The following DPP10 variants were observed in gnomAD, a reference collection of about 807,000 sequenced individuals.
DPP10 encodes dipeptidyl peptidase like 10, also known as inactive dipeptidyl peptidase 10.
DPP10 carries 33 observed loss-of-function variants against 120.9 expected under a neutral mutation model. The ratio of observed to expected loss-of-function variants is 0.27; its 90% CI spans 0.21 to 0.37. DPP10 has a LOEUF of 0.37. Among genes scored for constraint, DPP10 ranks in the 10% least tolerant of loss-of-function variants. The pLI is 1.00. For synonymous variants in DPP10, 337 were observed against 326.1 expected (o/e 1.03, Z -0.36); for missense variants, 816 against 942.8 (o/e 0.87, Z 1.76).
chr2:115,205,585 C>A (rs1485821590), intron 1 of DPP10, among the ~76,000 whole-genome samples: 2 of 152,100 alleles, frequency 1.3e-5, no homozygotes, highest in South Asian at 4.1e-4. Flanking sequence ...TATGTATATT[C>A]ATCACAGCAT....
chr2:114,596,510 TA>T (rs1237097705), intron 1 of DPP10, among the ~76,000 whole-genome samples: 13 of 152,126 alleles, frequency 8.5e-5, no homozygotes, highest in Non-Finnish European at 1.8e-4. Flanking sequence ...AGTGATAAGA[TA>T]AATGCATAGA....
chr2:115,684,374 T>G (rs541892150), intron 5 of DPP10, among the ~76,000 whole-genome samples: 8 of 151,984 alleles, frequency 5.3e-5, no homozygotes, highest in African/African-American at 1.9e-4. Flanking sequence ...TCACTCATCT[T>G]AAAAGGTATC....
In DPP10 at chr2:114,632,600, C is replaced by T. The variant is rs137891898; in HGVS notation, c.60+189762C>T. On this transcript the variant is annotated intron_variant, in intron 1 of 25. Transcript: ENST00000410059. Reference sequence around the variant, plus strand: ...CGATCTCGGCTCACTGCAAGCTCTGCGTCCTGGGTTCATGCCATTCTCCTG... The same window carrying T: ...CGATCTCGGCTCACTGCAAGCTCTGTGTCCTGGGTTCATGCCATTCTCCTG... Among the ~76,000 whole-genome samples the T allele has an allele frequency of 3.5e-3, 498 of 142,460 alleles. 5 individuals are homozygous for T. The highest frequency in any genetic ancestry group is 0.03 in the Admixed American group (407 of 13,532). 93.5% of individuals were successfully genotyped at this position (142,460 alleles called of 152,430 possible).
At chr2:115,618,961 T>A (rs769630680) in intron 5 of DPP10, among the ~76,000 whole-genome samples, 1 of 151,202 alleles carries the variant, frequency 6.6e-6, no homozygotes, top group Non-Finnish European at 1.5e-5. Flanking sequence ...CTCCTCCCTG[T>A]AGTGACTTCC....
chr2:114,488,221 C>T (rs1293293472), intron 1 of DPP10, among the ~76,000 whole-genome samples: 1 of 152,142 alleles, frequency 6.6e-6, no homozygotes, highest in Non-Finnish European at 1.5e-5. Context: ...GTTACTCTGG[C>T]CTAGTGGGGA....
chr2:114,878,579 C>A (rs934837244), intron 1 of DPP10, among the ~76,000 whole-genome samples: 2 of 152,168 alleles, frequency 1.3e-5, no homozygotes, highest in African/African-American at 4.8e-5. Context: ...CTTCATCATC[C>A]TTAGCCCTTC....
chr2:114,494,453 G>A (rs1682322635), intron 1 of DPP10, among the ~76,000 whole-genome samples: 2 of 152,186 alleles, frequency 1.3e-5, no homozygotes. Flanking sequence ...TTTCAGGCCA[G>A]GGAAGCAGCA....
intron 1 of DPP10, among the ~76,000 whole-genome samples, chr2:114,477,859 A>ATATATGTACATATATG (rs1680585722): frequency 2.7e-5 from 2 of 74,586 alleles, no homozygotes; most frequent in East Asian, 5.9e-4. Context: ...GTATAAATAT[A>ATATATGTACATATATG]TGTATATATG....
intron 3 of DPP10, among the ~76,000 whole-genome samples, chr2:115,376,510 G>C (rs2065806776): frequency 1.3e-5 from 2 of 150,758 alleles, no homozygotes; most frequent in African/African-American, 4.9e-5. Context: ...GTGGACACTT[G>C]TTGATTCTAA....
intron 1 of DPP10, among the ~76,000 whole-genome samples, chr2:114,976,386 G>A (rs13422074): frequency 0.033 from 5,069 of 152,090 alleles, 297 homozygotes; most frequent in African/African-American, 0.12. Flanking sequence ...TCTCCATTTC[G>A]TAGTTATTTT....
At chr2:115,003,362 C>T (rs191855628) in intron 1 of DPP10, among the ~76,000 whole-genome samples, 33 of 151,774 alleles carry the variant, frequency 2.2e-4, no homozygotes, top group African/African-American at 6.8e-4. Flanking sequence ...GGCCTACTTG[C>T]GGGTGAAGGC....
chr2:115,185,337 A>G (rs2105178519), intron 1 of DPP10, among the ~76,000 whole-genome samples: 1 of 152,160 alleles, frequency 6.6e-6, no homozygotes, highest in South Asian at 2.1e-4. Flanking sequence ...GAACTGCATC[A>G]TATTCTTGAG....
chr2:114,841,899 G>C (rs981991305), intron 1 of DPP10, among the ~76,000 whole-genome samples: 1 of 152,022 alleles, frequency 6.6e-6, no homozygotes, highest in Non-Finnish European at 1.5e-5. Flanking sequence ...TAAGTTAAAA[G>C]GACCATGGCT....
At chr2:114,931,975 C>T (rs1007118558) in intron 1 of DPP10, among the ~76,000 whole-genome samples, 45 of 152,186 alleles carry the variant, frequency 3.0e-4, no homozygotes, top group Admixed American at 2.7e-3. Context: ...CCTTTCTGTT[C>T]GCTAAATCTG....
At chr2:114,913,080 G>T (rs1333448445) in intron 1 of DPP10, among the ~76,000 whole-genome samples, 1 of 152,154 alleles carries the variant, frequency 6.6e-6, no homozygotes, top group East Asian at 1.9e-4. Context: ...CCCTGGCTGG[G>T]TGTATCTGCT....
At chr2:115,253,618 G>A (rs1373002682) in intron 1 of DPP10, among the ~76,000 whole-genome samples, 3 of 152,176 alleles carry the variant, frequency 2.0e-5, no homozygotes, top group African/African-American at 4.8e-5. Flanking sequence ...GGTCCCATGC[G>A]AGTTTGAAAC....
intron 1 of DPP10, among the ~76,000 whole-genome samples, chr2:115,035,861 G>A (rs78570575): frequency 0.036 from 5,554 of 152,188 alleles, 191 homozygotes; most frequent in African/African-American, 0.093. Flanking sequence ...TCTTGTATTC[G>A]AATGTTCCTT....
intron 1 of DPP10, among the ~76,000 whole-genome samples, chr2:114,621,649 G>A (rs778378834): frequency 6.6e-5 from 10 of 151,862 alleles, no homozygotes; most frequent in South Asian, 4.2e-4. Context: ...AAGGCACTCC[G>A]AGCACCCTTA....
intron 1 of DPP10, among the ~76,000 whole-genome samples, chr2:115,095,692 G>C (rs994501715): frequency 6.6e-6 from 1 of 150,386 alleles, no homozygotes; most frequent in East Asian, 2.0e-4. Context: ...CAGAAATTCT[G>C]CACTTCTAAC....
Sources: gnomAD v4.1 joint callset for allele counts (sites outside exome capture counted in the v4.1 genomes callset) on GRCh38, gnomAD v4.1.1 for gene constraint, MANE v1.5 for transcripts, NCBI Gene and HGNC (gene_info 2026-07-23, HGNC 2026-07-21) for gene names.